Variants in ZNF454 observed in about 807,000 individuals in gnomAD.
The protein encoded by ZNF454 is zinc finger protein 454.
In ZNF454, 30 loss-of-function variants were observed where a neutral mutation model predicts 48.2. The observed-to-expected ratio is 0.62, with a 90% CI of 0.47 to 0.84. The LOEUF (loss-of-function observed/expected upper bound fraction) is 0.84. ZNF454 is among the 40% of genes least tolerant of loss of function. The pLI is 0.00. For missense variants in ZNF454, 510 were observed against 623.1 expected (o/e 0.82, Z 1.93); for synonymous variants, 204 against 211.4 (o/e 0.97, Z 0.30).
the ZNF454 span, chr5:178,978,931 C>T: frequency 6.6e-6 from 1 of 152,128 alleles, no homozygotes; most frequent in Admixed American, 6.5e-5. Context: ...CTTTAGGGAG[C>T]TGTCAACCTC....
At chr5:178,986,094 C>T in the ZNF454 span, 3 of 1,594,344 alleles carry the variant, frequency 1.9e-6, no homozygotes, top group Non-Finnish European at 2.6e-6. Context: ...GACAGTCCCC[C>T]TCCCTGCCCT....
chr5:178,974,938 C>G, the ZNF454 span, among the ~76,000 whole-genome samples: 1 of 152,206 alleles, frequency 6.6e-6, no homozygotes, highest in Non-Finnish European at 1.5e-5. Flanking sequence ...GAATTGGTCA[C>G]TCTGGCTGCC....
chr5:178,973,821 C>T, the ZNF454 span, among the ~76,000 whole-genome samples: 4 of 132,176 alleles, frequency 3.0e-5, no homozygotes, highest in South Asian at 2.5e-4. Context: ...CCAGCCTGGG[C>T]GACAGAGCAA....
chr5:178,958,354 T>G (rs1448097031), intron 4 of ZNF454, among the ~76,000 whole-genome samples: 1 of 152,258 alleles, frequency 6.6e-6, no homozygotes, highest in Non-Finnish European at 1.5e-5. Context: ...CAGTATGTAC[T>G]CTTTTGTGTC....
intron 1 of ZNF454, chr5:178,942,419 A>C (rs1033637119): frequency 2.1e-5 from 4 of 191,202 alleles, no homozygotes; most frequent in Non-Finnish European, 4.3e-5. Context: ...CAAACAAACA[A>C]AAAAAGAATT....
intron 4 of ZNF454, among the ~76,000 whole-genome samples, chr5:178,963,504 G>A (rs975981410): frequency 2.0e-5 from 3 of 151,696 alleles, no homozygotes; most frequent in Admixed American, 1.3e-4. Flanking sequence ...TTTCTGCAGC[G>A]AGTGGGAAAA....
chr5:178,971,091 G>A (rs1438530994), downstream of ZNF454, among the ~76,000 whole-genome samples: 1 of 152,212 alleles, frequency 6.6e-6, no homozygotes, highest in Admixed American at 6.5e-5. Context: ...GCATGAAACC[G>A]TTACGTCCAT....
chr5:178,942,270 G>A (rs1343896920), intron 1 of ZNF454, among the ~76,000 whole-genome samples: 1 of 152,192 alleles, frequency 6.6e-6, no homozygotes, highest in Non-Finnish European at 1.5e-5. Flanking sequence ...GCCGGGCGTG[G>A]TGGCGGGTGC....
At chr5:178,986,688 G>T in the ZNF454 span, 2 of 1,603,996 alleles carry the variant, frequency 1.2e-6, no homozygotes, top group Non-Finnish European at 8.5e-7. Flanking sequence ...CCCCCGGCCC[G>T]CAGGGCAGGC....
chr5:178,965,972 G>T lies in ZNF454; in HGVS notation c.1568G>T (p.Ter523LeuextTer15), dbSNP rs769251449. Residue 523 changes from the stop codon to leucine, a stop_lost, in exon 5 of 5, where the codon TGA becomes TTA. Transcript: ENST00000519564. The surrounding 1 kb of genome is among the most constrained non-coding windows in gnomAD (Gnocchi z 5.2). Reference sequence around the variant, plus strand: ...CAGAGACATCATATTGGAGAGAAGTGATATGAATGCAGTTTGTATGGAAGA... The same window carrying T: ...CAGAGACATCATATTGGAGAGAAGTTATATGAATGCAGTTTGTATGGAAGA... ...QHQRHHIGEK[*>L] 1 of 1,557,694 alleles carries T rather than the reference G, an allele frequency of 6.4e-7. No homozygotes were observed. The highest frequency in any genetic ancestry group is 1.2e-5 in the South Asian group (1 of 81,868).
In ZNF454 at chr5:178,965,489, G is replaced by GGT; in HGVS notation, c.1086_1087insTG (p.Lys363Ter). 6.2e-7 allele frequency: 1 copy of GGT among 1,613,952 alleles called. No homozygotes were observed. Among genetic ancestry groups the GGT allele is most frequent in the Non-Finnish European group, 8.5e-7 (1 of 1,179,978 alleles). ...AAACCCTTTGAATGTAATGAATGTG[G>GGT]GAAGGCCTTCAGGGTGAACTCTTCC... is the stretch of plus-strand genomic sequence containing the variant. On this transcript the variant is annotated frameshift_variant, in exon 5 of 5. Coordinates refer to ENST00000519564, the MANE Select transcript of ZNF454 (RefSeq NM_001178089.3). LOFTEE classifies it high-confidence loss of function. The surrounding 1 kb of genome is among the most constrained non-coding windows in gnomAD (Gnocchi z 5.2).
chr5:178,960,059 C>T lies in ZNF454; in HGVS notation c.251-4596C>T, dbSNP rs183580442. Among the ~76,000 whole-genome samples, 151 of 149,448 alleles carry T rather than the reference C, an allele frequency of 1.0e-3. 2 individuals are homozygous for T. The highest frequency in any genetic ancestry group is 3.5e-3 in the African/African-American group (142 of 40,620). On this transcript the variant is annotated intron_variant, in intron 4 of 4. Coordinates refer to ENST00000519564, the MANE Select transcript of ZNF454 (RefSeq NM_001178089.3). ...GAACTCCTGGGCTTATGGCGATCCT[C>T]CCACCTCAGCCTCCTGAGTAGCTGG...
the ZNF454 span, chr5:178,986,797 C>A: frequency 6.2e-7 from 1 of 1,612,408 alleles, no homozygotes; most frequent in Non-Finnish European, 8.5e-7. Context: ...CCTCCGGGAT[C>A]CTGGGCCCAT....
At chr5:178,986,503 G>A in the ZNF454 span, 3 of 1,609,754 alleles carry the variant, frequency 1.9e-6, no homozygotes, top group Non-Finnish European at 2.5e-6. Flanking sequence ...GGCTGCCCAG[G>A]GGGAGGACCA....
chr5:178,953,171 C>A (rs946341629), intron 4 of ZNF454, among the ~76,000 whole-genome samples: 29 of 152,062 alleles, frequency 1.9e-4, no homozygotes, highest in African/African-American at 6.5e-4. Flanking sequence ...CGAAGTGAGG[C>A]TTAAACTCAG....
At chr5:178,977,438 C>G in the ZNF454 span, 1 of 456,212 alleles carries the variant, frequency 2.2e-6, no homozygotes, top group Non-Finnish European at 4.4e-6. Flanking sequence ...GACTTTCCAG[C>G]CTCCAGAACT....
At chr5:178,949,945 A>C (rs1178245856) in intron 4 of ZNF454, among the ~76,000 whole-genome samples, 1 of 152,036 alleles carries the variant, frequency 6.6e-6, no homozygotes, top group Admixed American at 6.6e-5. Context: ...TGGCTAAGAC[A>C]TCAAAGACCA....
chr5:178,952,288 C>T (rs918480249), intron 4 of ZNF454, among the ~76,000 whole-genome samples: 1 of 152,186 alleles, frequency 6.6e-6, no homozygotes, highest in Admixed American at 6.5e-5. Flanking sequence ...CCGCCCGCCT[C>T]GGCCTCCCAA....
chr5:178,954,022 G>A (rs954853585), intron 4 of ZNF454, among the ~76,000 whole-genome samples: 1 of 152,134 alleles, frequency 6.6e-6, no homozygotes, highest in African/African-American at 2.4e-5. Flanking sequence ...ACTTTGGGAG[G>A]CCGAGGCAGG....
Sources: gnomAD v4.1 joint callset for allele counts (sites outside exome capture counted in the v4.1 genomes callset) on GRCh38, gnomAD v4.1.1 for gene constraint, Gnocchi (gnomAD v3.1) non-coding constraint, MANE v1.5 for transcripts, NCBI Gene and HGNC (gene_info 2026-07-23, HGNC 2026-07-21) for gene names.